Variants in GRM5 observed in about 807,000 individuals in gnomAD.
GRM5 encodes metabotropic glutamate receptor 5.
A neutral mutation model predicts 83.1 loss-of-function variants in GRM5; 19 were observed. The ratio of observed to expected loss-of-function variants is 0.23; its 90% CI spans 0.16 to 0.34. The LOEUF (loss-of-function observed/expected upper bound fraction) is 0.34, where lower values mean the gene tolerates loss of function less well. Ranked by LOEUF, GRM5 falls within the 10% of genes least tolerant of loss-of-function variation. The probability of loss-of-function intolerance (pLI) is 1.00; values close to 1 mark genes in which losing one functional copy is unlikely to be tolerated. For synonymous variants in GRM5, 675 were observed against 633.6 expected, an observed-to-expected ratio of 1.07 and a Z score of -0.98; for missense variants, 1,160 against 1,588.3, an observed-to-expected ratio of 0.73 and a Z score of 4.58.
At chr11:88,591,827 C>T (rs1215731030) in intron 6 of GRM5, among the ~76,000 whole-genome samples, 1 of 152,162 alleles carries the variant, frequency 6.6e-6, no homozygotes, top group East Asian at 1.9e-4. Context: ...GGCAAAATTG[C>T]TCCTTAGACC....
intron 2 of GRM5, among the ~76,000 whole-genome samples, chr11:88,942,119 G>T (rs1590983441): frequency 1.3e-5 from 2 of 152,134 alleles, no homozygotes; most frequent in East Asian, 3.9e-4. Context: ...TTAGATAACT[G>T]GGGAAATTTG....
intron 6 of GRM5, among the ~76,000 whole-genome samples, chr11:88,595,875 C>T (rs552063135): frequency 6.6e-6 from 1 of 152,264 alleles, no homozygotes; most frequent in South Asian, 2.1e-4. Context: ...AGAAATTCTC[C>T]AAGGTATATT....
At chr11:88,824,032 C>T (rs189057190) in intron 3 of GRM5, among the ~76,000 whole-genome samples, 1 of 152,290 alleles carries the variant, frequency 6.6e-6, no homozygotes, top group Admixed American at 6.5e-5. Context: ...TATTGGTTTA[C>T]TCCTTGGCTG....
At chr11:88,974,374 G>GAGATAGATAGAT (rs71046273) in intron 2 of GRM5, among the ~76,000 whole-genome samples, 9,407 of 147,754 alleles carry the variant, frequency 0.064, 399 homozygotes, top group African/African-American at 0.1. Flanking sequence ...CCTGGCAATA[G>GAGATAGATAGAT]AGATAGATAG....
At chr11:88,822,682 T>C (rs1268359884) in intron 3 of GRM5, among the ~76,000 whole-genome samples, 1 of 152,140 alleles carries the variant, frequency 6.6e-6, no homozygotes, top group Non-Finnish European at 1.5e-5. Context: ...TTCCGGTTCC[T>C]GAATGTGGTA....
chr11:88,672,974 A>T (rs1252991694), intron 3 of GRM5, among the ~76,000 whole-genome samples: 1 of 151,978 alleles, frequency 6.6e-6, no homozygotes, highest in Admixed American at 6.6e-5. Flanking sequence ...ATAAAAATGG[A>T]GATGGCATTT....
At chr11:89,042,367 C>T (rs1466918189) in intron 2 of GRM5, among the ~76,000 whole-genome samples, 1 of 152,128 alleles carries the variant, frequency 6.6e-6, no homozygotes, top group Non-Finnish European at 1.5e-5. Context: ...AAGTTCTGGA[C>T]AGAAATCTTG....
At chr11:88,996,581 G>A (rs1470396848) in intron 2 of GRM5, among the ~76,000 whole-genome samples, 1 of 151,998 alleles carries the variant, frequency 6.6e-6, no homozygotes, top group Non-Finnish European at 1.5e-5. Context: ...ATTTTAGTGG[G>A]GTACTTCCAT....
chr11:88,593,939 G>A (rs1399533585), intron 6 of GRM5, among the ~76,000 whole-genome samples: 2 of 151,548 alleles, frequency 1.3e-5, no homozygotes, highest in African/African-American at 2.4e-5. Context: ...GACTACAGGC[G>A]CCTGCCAACT....
At chr11:88,999,359 A>G (rs1260842647) in intron 2 of GRM5, among the ~76,000 whole-genome samples, 1 of 152,256 alleles carries the variant, frequency 6.6e-6, no homozygotes, top group Non-Finnish European at 1.5e-5. Context: ...GGCTAACAAT[A>G]TCCAGAACCT....
At chr11:88,745,586 T>TATC (rs1942120913) in intron 3 of GRM5, among the ~76,000 whole-genome samples, 1 of 152,184 alleles carries the variant, frequency 6.6e-6, no homozygotes, top group Admixed American at 6.6e-5. Flanking sequence ...TTGTAACTTC[T>TATC]ATCTTTTATT....
intron 2 of GRM5, among the ~76,000 whole-genome samples, chr11:88,903,078 T>C (rs1005689289): frequency 2.6e-5 from 4 of 151,898 alleles, no homozygotes; most frequent in African/African-American, 9.7e-5. Flanking sequence ...CTCCTGTTTA[T>C]GATAATATTT....
At chr11:88,739,407 G>A (rs1941985167) in intron 3 of GRM5, among the ~76,000 whole-genome samples, 2 of 151,946 alleles carry the variant, frequency 1.3e-5, no homozygotes, top group Non-Finnish European at 2.9e-5. Context: ...TCTTATTCAG[G>A]ATCATATACT....
intron 2 of GRM5, among the ~76,000 whole-genome samples, chr11:88,877,248 T>G (rs2135568410): frequency 6.6e-6 from 1 of 152,266 alleles, no homozygotes; most frequent in East Asian, 1.9e-4. Flanking sequence ...AATAATATGC[T>G]AATTACCCTG....
chr11:88,770,271 A>G (rs2135449002), intron 3 of GRM5, among the ~76,000 whole-genome samples: 1 of 152,248 alleles, frequency 6.6e-6, no homozygotes, highest in South Asian at 2.1e-4. Flanking sequence ...ACCCCAGAAC[A>G]GAAAAAGGGC....
At chr11:89,053,177 C>T (rs2135159845) in intron 1 of GRM5, among the ~76,000 whole-genome samples, 1 of 152,130 alleles carries the variant, frequency 6.6e-6, no homozygotes, top group African/African-American at 2.4e-5. Context: ...AAAGATGATT[C>T]AGCTCATAGA....
At chr11:88,696,751 A>T (rs1391873) in intron 3 of GRM5, among the ~76,000 whole-genome samples, 85,964 of 152,062 alleles carry the variant, frequency 0.57, 27,040 homozygotes, top group South Asian at 0.8. Context: ...AATGACATGA[A>T]GTACGTAAAG....
At chr11:89,058,430 G>A (rs550940462) in intron 1 of GRM5, among the ~76,000 whole-genome samples, 5 of 152,116 alleles carry the variant, frequency 3.3e-5, no homozygotes, top group East Asian at 1.9e-4. Flanking sequence ...AGCAAATGTC[G>A]CCTGTATGTC....
At chr11:88,750,863 T>C (rs1207951595) in intron 3 of GRM5, among the ~76,000 whole-genome samples, 1 of 151,924 alleles carries the variant, frequency 6.6e-6, no homozygotes, top group African/African-American at 2.4e-5. Context: ...ATCAAAAAGT[T>C]TGTTGAAACT....
Sources: allele counts gnomAD v4.1 joint callset (sites outside exome capture counted in the v4.1 genomes callset), GRCh38; gene constraint gnomAD v4.1.1; transcripts MANE v1.5; gene names NCBI Gene and HGNC (gene_info 2026-07-23, HGNC 2026-07-21).